The following SERPINB5 variants were observed in gnomAD, a reference collection of about 807,000 sequenced individuals.
SERPINB5 encodes serpin family B member 5.
In SERPINB5, 27 loss-of-function variants were observed where a neutral mutation model predicts 32.2. That is an observed-to-expected ratio of 0.84 (90% CI 0.62 to 1.16). The LOEUF is 1.16. SERPINB5 is among the 50% of genes most tolerant of loss of function. The probability of loss-of-function intolerance (pLI) is 0.00; values close to 1 mark genes in which losing one functional copy is unlikely to be tolerated. For missense variants in SERPINB5, 388 were observed against 436.3 expected (o/e 0.89, Z 0.99); for synonymous variants, 154 against 157.4 (o/e 0.98, Z 0.16).
Position 63,499,101 on chromosome 18 carries a change from C to A in SERPINB5, c.568-19C>A. 6 of 1,424,064 alleles carry A rather than the reference C, an allele frequency of 4.2e-6. No homozygotes were observed. In the East Asian group the frequency reaches 8.0e-5, roughly 19 times the overall value. The allele number at this position is 1,424,064 out of a possible 1,614,324, so 88.2% of individuals were successfully genotyped here. A position where few individuals can be genotyped will look rare whatever the true frequency, so the allele number is the denominator to read the frequency against. On this transcript the variant is annotated intron_variant, in intron 5 of 6. Coordinates refer to ENST00000382771, the MANE Select transcript of SERPINB5 (RefSeq NM_002639.5). Reference sequence around the variant, plus strand: ...TGTGTAAATTGAAAAGTAAGCAGTCCAAATTTTCCCTTTTACAGACAGACA... The same window carrying A: ...TGTGTAAATTGAAAAGTAAGCAGTCAAAATTTTCCCTTTTACAGACAGACA...
At chr18:63,486,878 C>A in intron 2 of SERPINB5, 68 bp from the exon 3 acceptor site, 1 of 1,544,176 alleles carries the variant, frequency 6.5e-7, no homozygotes, top group African/African-American at 1.4e-5. Context: ...GTCATTATCA[C>A]GTGTCCACTT....
At position 63,484,606 on chromosome 18, in the gene SERPINB5, A is replaced by C; in HGVS notation, c.168+10A>C. On this transcript the variant is annotated intron_variant, in intron 2 of 6. Transcript: ENST00000382771. Reference sequence around the variant, plus strand: ...AAATGAAATTGGACAGGTAAGCCCCAAAACCTTGTTTCTACTTTAAGTGGG... The same window carrying C: ...AAATGAAATTGGACAGGTAAGCCCCCAAACCTTGTTTCTACTTTAAGTGGG... The C allele has an allele frequency of 6.2e-7, 1 of 1,607,796 alleles. No homozygotes were observed. Among genetic ancestry groups the C allele is most frequent in the Non-Finnish European group, 8.5e-7 (1 of 1,178,014 alleles).
At chr18:63,499,814 T>C (rs1303252326) in intron 6 of SERPINB5, among the ~76,000 whole-genome samples, 1 of 152,076 alleles carries the variant, frequency 6.6e-6, no homozygotes, top group Non-Finnish European at 1.5e-5. Context: ...CTCTTTCTTT[T>C]TTTTTAAAAT....
Position 63,479,556 on chromosome 18 carries a change from G to A in SERPINB5, c.-8+2511G>A, listed in dbSNP as rs1568107150. On this transcript the variant is annotated intron_variant, in intron 1 of 6. Transcript: ENST00000382771. ...ACTCACCTTTAATGTGACTTACTCA[G>A]TTGTCACTGTCTCTGAGGAGGTGTC... Among the ~76,000 whole-genome samples the A allele has an allele frequency of 2.6e-5, 4 of 152,250 alleles. No homozygotes were observed. In the East Asian group the frequency reaches 5.8e-4, roughly 22 times the overall value.
chr18:63,501,403 A>G (rs1162332355), intron 6 of SERPINB5, among the ~76,000 whole-genome samples: 1 of 152,094 alleles, frequency 6.6e-6, no homozygotes, highest in East Asian at 1.9e-4. Flanking sequence ...ATAGTATTCC[A>G]TGGTGTATAT....
In SERPINB5 at chr18:63,503,930, G is replaced by A. The variant is rs1909626647; in HGVS notation, c.*208G>A. 2 of 558,954 alleles carry A rather than the reference G, an allele frequency of 3.6e-6. No individual in the cohort carries two copies. The highest frequency in any genetic ancestry group is 6.2e-6 in the Non-Finnish European group (2 of 322,840). The allele number at this position is 558,954 out of a possible 1,614,324, so 34.6% of individuals were successfully genotyped here. Reference sequence around the variant, plus strand: ...TCTTTTGTTTCCTTTTTTCCCATAAGACAATGACATACGCTTTTAATGAAA... The same window carrying A: ...TCTTTTGTTTCCTTTTTTCCCATAAAACAATGACATACGCTTTTAATGAAA... On this transcript the variant is annotated 3_prime_UTR_variant, in exon 7 of 7. Transcript: ENST00000382771.
Position 63,503,800 on chromosome 18 carries a change from T to C in SERPINB5, c.*78T>C, listed in dbSNP as rs1909622400. ...TGTAAACTCTGCATCCAGAGATTCA[T>C]TTTCTAGATACAATAAATTGCTAAT... On this transcript the variant is annotated 3_prime_UTR_variant, in exon 7 of 7. Transcript: ENST00000382771. 2.1e-6 allele frequency: 3 copies of C among 1,421,344 alleles called. No homozygotes were observed. Among genetic ancestry groups the C allele is most frequent in the Non-Finnish European group, 2.9e-6 (3 of 1,024,690 alleles). The allele number at this position is 1,421,344 out of a possible 1,614,324, so 88.0% of individuals were successfully genotyped here.
intron 4 of SERPINB5, among the ~76,000 whole-genome samples, chr18:63,490,334 G>A (rs1909300415): frequency 6.6e-6 from 1 of 152,046 alleles, no homozygotes; most frequent in Non-Finnish European, 1.5e-5. Context: ...TCCCCCAGGC[G>A]TCTCCCTCGT....
At chr18:63,484,739 A>AACTTTTTTT in intron 2 of SERPINB5, 143 bp downstream of exon 2, 2 of 144,448 alleles carry the variant, frequency 1.4e-5, no homozygotes, top group Non-Finnish European at 2.6e-5. Flanking sequence ...GACTCTCTTA[A>AACTTTTTTT]TCTTTTTTTT....
chr18:63,493,305 G>A (rs1266765863), intron 5 of SERPINB5: 3 of 639,354 alleles, frequency 4.7e-6, no homozygotes, highest in Non-Finnish European at 8.2e-6. Context: ...ATGTCTTCAA[G>A]GATCTGAGCT....
chr18:63,494,645 C>T (rs898319039), intron 5 of SERPINB5, among the ~76,000 whole-genome samples: 1 of 152,182 alleles, frequency 6.6e-6, no homozygotes, highest in Non-Finnish European at 1.5e-5. Context: ...TGCTAGCATC[C>T]ATGAGGAAAA....
intron 2 of SERPINB5, among the ~76,000 whole-genome samples, chr18:63,484,897 C>T (rs62100030): frequency 0.47 from 71,496 of 151,454 alleles, 19,095 homozygotes; most frequent in Non-Finnish European, 0.61. Flanking sequence ...CGTGCCACAA[C>T]GCCAGGCAAA....
chr18:63,495,108 G>A (rs1909421894), intron 5 of SERPINB5, among the ~76,000 whole-genome samples: 1 of 152,170 alleles, frequency 6.6e-6, no homozygotes, highest in African/African-American at 2.4e-5. Flanking sequence ...TGGGTAGGAG[G>A]TCCTCCTAAC....
At chr18:63,490,390 T>TTTCC (rs1285752132) in intron 4 of SERPINB5, among the ~76,000 whole-genome samples, 9 of 152,006 alleles carry the variant, frequency 5.9e-5, no homozygotes, top group East Asian at 1.9e-4. Flanking sequence ...GTCGTCTTCC[T>TTTCC]TGCTGGAAAA....
rs1909648981 is a variant in SERPINB5 at position 63,505,044 on chromosome 18, A to AT, written c.*1327dup. 6.6e-6 allele frequency: 1 copy of AT among 151,540 alleles called. No individual in the cohort carries two copies. The highest frequency in any genetic ancestry group is 6.6e-5 in the Admixed American group (1 of 15,178). 9.4% of individuals were successfully genotyped at this position (151,540 alleles called of 1,614,324 possible). On this transcript the variant is annotated 3_prime_UTR_variant, in exon 7 of 7. Coordinates refer to ENST00000382771, the MANE Select transcript of SERPINB5 (RefSeq NM_002639.5). ...TTCTTGTTCTGAGATTCAATATTGA[A>AT]TTTTTCCTATGCTATTGACAATAAA...
chr18:63,486,957 T>C lies in SERPINB5; in HGVS notation c.180T>C (p.Phe60=). ...TTTTCTCTTAACAGGTTCTTCATTT[T>C]GAAAATGTCAAAGATGTACCCTTTG... is the stretch of plus-strand genomic sequence containing the variant. ...TANEIGQVLH[F]ENVKDVPFGF... The change falls in exon 3 of 7, where the codon TTT becomes TTC. Residue 60 remains phenylalanine (F), a synonymous_variant. Transcript: ENST00000382771. 6.2e-7 allele frequency: 1 copy of C among 1,614,076 alleles called. No individual in the cohort carries two copies. Among genetic ancestry groups the C allele is most frequent in the Non-Finnish European group, 8.5e-7 (1 of 1,179,980 alleles).
chr18:63,502,746 C>T (rs180741074), intron 6 of SERPINB5, among the ~76,000 whole-genome samples: 31 of 152,186 alleles, frequency 2.0e-4, no homozygotes, highest in Admixed American at 1.2e-3. Flanking sequence ...AGGTTGGGTG[C>T]GGTGGCTCAC....
chr18:63,484,741 C>T (rs201742306), intron 2 of SERPINB5, 145 bp downstream of exon 2: 1,674 of 107,836 alleles, frequency 0.016, 18 homozygotes, highest in African/African-American at 0.034. Flanking sequence ...CTCTCTTAAT[C>T]TTTTTTTTTT....
chr18:63,499,714 C>G (rs1314306455), intron 6 of SERPINB5, among the ~76,000 whole-genome samples: 3 of 152,062 alleles, frequency 2.0e-5, no homozygotes, highest in Non-Finnish European at 4.4e-5. Context: ...TAGAGTGTCT[C>G]CCTCACCTCC....
Sources: allele counts gnomAD v4.1 joint callset (sites outside exome capture counted in the v4.1 genomes callset), GRCh38; gene constraint gnomAD v4.1.1; transcripts MANE v1.5; gene names NCBI Gene and HGNC (gene_info 2026-07-23, HGNC 2026-07-21).